The following FMN1 variants were observed in gnomAD, a reference collection of about 807,000 sequenced individuals.
FMN1 encodes the protein formin 1.
In FMN1, 110 loss-of-function variants were observed where a neutral mutation model predicts 132.4. That is an observed-to-expected ratio of 0.83 (90% CI 0.71 to 0.97). The LOEUF (loss-of-function observed/expected upper bound fraction) is 0.97. FMN1 is among the 50% of genes least tolerant of loss of function. FMN1 has a pLI of 0.00. For missense variants in FMN1, 1,792 were observed against 1,705.3 expected (o/e 1.05, Z -0.90); for synonymous variants, 722 against 651.7 (o/e 1.11, Z -1.64).
chr15:32,785,218 A>ATTTTTTTTTTTTTTTTTT (rs1230723314), intron 19 of FMN1, among the ~76,000 whole-genome samples: 2 of 39,204 alleles, frequency 5.1e-5, no homozygotes, highest in African/African-American at 1.2e-4. Context: ...ATATATATAT[A>ATTTTTTTTTTTTTTTTTT]TTTTTTTTTT....
intron 6 of FMN1, among the ~76,000 whole-genome samples, chr15:33,015,936 C>CTCCT (rs1165408827): frequency 1.3e-5 from 2 of 151,546 alleles, no homozygotes; most frequent in Non-Finnish European, 2.9e-5. Flanking sequence ...GTCCCTGGAC[C>CTCCT]AGGAGCATCA....
chr15:33,020,615 G>C (rs345843), intron 6 of FMN1, among the ~76,000 whole-genome samples: 97,369 of 149,978 alleles, frequency 0.65, 32,518 homozygotes, highest in Non-Finnish European at 0.73. Flanking sequence ...TCCAGCCTGG[G>C]AGACAAGAGC....
intron 4 of FMN1, among the ~76,000 whole-genome samples, chr15:33,126,745 C>A (rs138351610): frequency 1.4e-4 from 21 of 151,968 alleles, no homozygotes; most frequent in African/African-American, 4.8e-4. Context: ...AGCAGAAACT[C>A]GGGAAAGGAG....
At chr15:32,857,421 G>C (rs12439262) in intron 16 of FMN1, among the ~76,000 whole-genome samples, 7 of 152,190 alleles carry the variant, frequency 4.6e-5, no homozygotes, top group Admixed American at 4.6e-4. Flanking sequence ...TTCTCCCAAA[G>C]ATAAAGAGAG....
At chr15:32,896,992 T>C (rs1401469550) in intron 15 of FMN1, among the ~76,000 whole-genome samples, 1 of 152,204 alleles carries the variant, frequency 6.6e-6, no homozygotes, top group Non-Finnish European at 1.5e-5. Flanking sequence ...CTCCCTACTG[T>C]TTTCCATAGC....
intron 5 of FMN1, among the ~76,000 whole-genome samples, chr15:33,086,289 G>T (rs981364422): frequency 7.1e-6 from 1 of 140,564 alleles, no homozygotes; most frequent in South Asian, 2.3e-4. Context: ...ACAAGACGAG[G>T]TTATAAAATC....
intron 5 of FMN1, chr15:33,067,828 T>C (rs1199419615): frequency 6.2e-7 from 1 of 1,613,986 alleles, no homozygotes; most frequent in Non-Finnish European, 8.5e-7. Flanking sequence ...GTCCGGCTTC[T>C]GGTTTTGCTG....
At chr15:32,922,712 T>A (rs1596280551) in intron 10 of FMN1, among the ~76,000 whole-genome samples, 1 of 152,228 alleles carries the variant, frequency 6.6e-6, no homozygotes, top group Non-Finnish European at 1.5e-5. Context: ...AATTGAAATG[T>A]CATTGCCATT....
chr15:33,170,292 A>G (rs79755263), intron 3 of FMN1, among the ~76,000 whole-genome samples: 5,066 of 152,216 alleles, frequency 0.033, 139 homozygotes, highest in East Asian at 0.11. Flanking sequence ...AAAGAATTAA[A>G]CGTAAGACAT....
intron 8 of FMN1, among the ~76,000 whole-genome samples, chr15:32,965,446 C>T (rs780234915): frequency 6.6e-6 from 1 of 152,156 alleles, no homozygotes; most frequent in Non-Finnish European, 1.5e-5. Flanking sequence ...CAAATTTCAT[C>T]TATATACTTA....
At chr15:33,110,931 T>G (rs2039678355) in intron 4 of FMN1, among the ~76,000 whole-genome samples, 1 of 152,150 alleles carries the variant, frequency 6.6e-6, no homozygotes, top group African/African-American at 2.4e-5. Flanking sequence ...TCCTTTACAT[T>G]TTTCAAGATG....
chr15:33,054,887 AG>A (rs757147995), intron 6 of FMN1, among the ~76,000 whole-genome samples: 10 of 152,220 alleles, frequency 6.6e-5, no homozygotes, highest in Non-Finnish European at 1.5e-4. Context: ...AGAGTAACCA[AG>A]GAACAAGGAC....
At chr15:33,018,351 G>A (rs2035194278) in intron 6 of FMN1, among the ~76,000 whole-genome samples, 1 of 152,056 alleles carries the variant, frequency 6.6e-6, no homozygotes, top group Admixed American at 6.5e-5. Context: ...ACACCTGAAA[G>A]ACCAAGACAT....
Position 32,968,711 on chromosome 15 carries a change from T to A in FMN1, c.2987+3A>T, listed in dbSNP as rs1332657404. 1.9e-6 allele frequency: 3 copies of A among 1,613,688 alleles called. No homozygotes were observed. The highest frequency in any genetic ancestry group is 2.5e-6 in the Non-Finnish European group (3 of 1,179,766). ...GCTGAGAATGGGATAGGGGAGAACTTACCTCCTATCACTTATTTGTATCCT... is the reference window on the plus strand; with the variant it reads ...GCTGAGAATGGGATAGGGGAGAACTAACCTCCTATCACTTATTTGTATCCT... On this transcript the variant is annotated splice_donor_region_variant and intron_variant, in intron 8 of 20. Coordinates refer to ENST00000616417, the MANE Select transcript of FMN1 (RefSeq NM_001277313.2).
At chr15:32,974,800 T>A (rs960150665) in intron 7 of FMN1, among the ~76,000 whole-genome samples, 3 of 152,066 alleles carry the variant, frequency 2.0e-5, no homozygotes, top group Non-Finnish European at 4.4e-5. Flanking sequence ...GACTTTCACT[T>A]AGGTCATTTC....
intron 17 of FMN1, among the ~76,000 whole-genome samples, chr15:32,834,382 A>C (rs2058574795): frequency 6.6e-6 from 1 of 152,150 alleles, no homozygotes; most frequent in South Asian, 2.1e-4. Flanking sequence ...TTGAGGAAGT[A>C]AGACCTTAAT....
intron 4 of FMN1, among the ~76,000 whole-genome samples, chr15:33,117,833 T>G (rs944246535): frequency 1.3e-5 from 2 of 152,220 alleles, no homozygotes; most frequent in African/African-American, 4.8e-5. Context: ...CAGGACCATG[T>G]AGCAAATTAG....
chr15:33,119,266 G>T (rs1962323706), intron 4 of FMN1, among the ~76,000 whole-genome samples: 1 of 152,128 alleles, frequency 6.6e-6, no homozygotes. Context: ...TGGGGTTACC[G>T]ACCTCCTGTG....
chr15:32,823,804 T>C (rs774437246), intron 17 of FMN1, among the ~76,000 whole-genome samples: 15 of 152,224 alleles, frequency 9.9e-5, no homozygotes, highest in Non-Finnish European at 1.5e-4. Context: ...GCTGGAGGTT[T>C]AGTCACACCC....
Sources: allele counts gnomAD v4.1 joint callset (sites outside exome capture counted in the v4.1 genomes callset), GRCh38; gene constraint gnomAD v4.1.1; transcripts MANE v1.5; gene names NCBI Gene and HGNC (gene_info 2026-07-23, HGNC 2026-07-21).